CACNB4: variants seen among roughly 807,000 people sequenced by gnomAD.
The protein encoded by CACNB4 is voltage-dependent L-type calcium channel subunit beta-4.
A neutral mutation model predicts 71.2 loss-of-function variants in CACNB4; 32 were observed. The observed-to-expected ratio is 0.45, with a 90% confidence interval of 0.34 to 0.60. CACNB4 has a LOEUF of 0.60. Among genes scored for constraint, CACNB4 ranks in the 20% least tolerant of loss-of-function variants. CACNB4 has a pLI of 0.01. For missense variants in CACNB4, 464 were observed against 647.9 expected, an observed-to-expected ratio of 0.72 and a Z score of 3.08; for synonymous variants, 231 against 236.9, an observed-to-expected ratio of 0.97 and a Z score of 0.23.
chr2:151,899,954 G>A (rs2099852973), intron 2 of CACNB4, among the ~76,000 whole-genome samples: 1 of 152,098 alleles, frequency 6.6e-6, no homozygotes, highest in African/African-American at 2.4e-5. Context: ...TACCATAAAA[G>A]TACCATAACA....
intron 2 of CACNB4, among the ~76,000 whole-genome samples, chr2:152,007,170 C>CT (rs921722318): frequency 1.4e-4 from 21 of 151,972 alleles, no homozygotes; most frequent in South Asian, 1.0e-3. Context: ...GTGTATGTGC[C>CT]TTTTTTTTAA....
intron 2 of CACNB4, among the ~76,000 whole-genome samples, chr2:151,908,646 T>C (rs932428075): frequency 6.7e-6 from 1 of 150,032 alleles, no homozygotes; most frequent in East Asian, 1.9e-4. Flanking sequence ...GGGAAGACTT[T>C]AGATAACATA....
intron 2 of CACNB4, among the ~76,000 whole-genome samples, chr2:151,963,261 G>T (rs568670068): frequency 1.4e-5 from 2 of 145,680 alleles, no homozygotes; most frequent in Admixed American, 1.4e-4. Flanking sequence ...GTAGTGAGCC[G>T]AGATTGCGCC....
At chr2:152,002,360 A>G (rs1682475589) in intron 2 of CACNB4, among the ~76,000 whole-genome samples, 1 of 152,182 alleles carries the variant, frequency 6.6e-6, no homozygotes, top group South Asian at 2.1e-4. Flanking sequence ...TTTTTTTAAT[A>G]CCAAATCATG....
intron 2 of CACNB4, among the ~76,000 whole-genome samples, chr2:152,044,838 A>G (rs1685068593): frequency 6.6e-6 from 1 of 152,226 alleles, no homozygotes; most frequent in Non-Finnish European, 1.5e-5. Context: ...ATAAGAGACC[A>G]TGAAAAACCC....
At chr2:152,078,765 G>C (rs1366602350) in intron 2 of CACNB4, among the ~76,000 whole-genome samples, 1 of 152,234 alleles carries the variant, frequency 6.6e-6, no homozygotes, top group Non-Finnish European at 1.5e-5. Context: ...CCACCCAACA[G>C]CCTACGTCCT....
At position 152,098,651 on chromosome 2, in the gene CACNB4, A is replaced by C. The variant is rs369342902; in HGVS notation, c.64-238T>G. 8.7e-4 allele frequency: 1,371 copies of C among 1,572,784 alleles called. 2 individuals carry two copies. The highest frequency in any genetic ancestry group is 1.1e-3 in the Non-Finnish European group (1,263 of 1,159,246). ...CCCGCAAGCACCCACCACATCCATT[A>C]ACAAAGACTCTCAGGGTGCGGGGTC... On this transcript the variant is annotated intron_variant, in intron 1 of 13. Transcript: ENST00000539935. The surrounding 1 kb of genome is among the most constrained non-coding windows in gnomAD (Gnocchi z 5.3).
At chr2:151,890,720 G>A (rs180694755) in intron 2 of CACNB4, among the ~76,000 whole-genome samples, 21 of 152,192 alleles carry the variant, frequency 1.4e-4, no homozygotes, top group African/African-American at 4.8e-4. Context: ...AATGATAGAC[G>A]TATTTTTTAA....
At position 151,836,310 on chromosome 2, in the gene CACNB4, T is replaced by C. The variant is rs977732362; in HGVS notation, c.*2809A>G. 2 of 151,924 alleles carry C rather than the reference T, an allele frequency of 1.3e-5. No individual in the cohort carries two copies. The highest frequency in any genetic ancestry group is 4.8e-5 in the African/African-American group (2 of 41,438). The allele number at this position is 151,924 out of a possible 1,614,324, so 9.4% of individuals were successfully genotyped here. On this transcript the variant is annotated 3_prime_UTR_variant, in exon 14 of 14. Coordinates refer to ENST00000539935, the MANE Select transcript of CACNB4 (RefSeq NM_000726.5). ...TTCTCTTGCTTATAATCATTTGCTA[T>C]CTTTAAATGAAATTAATTAAAAACA...
intron 2 of CACNB4, among the ~76,000 whole-genome samples, chr2:151,985,061 A>AT (rs1404219444): frequency 1.3e-5 from 2 of 152,102 alleles, no homozygotes; most frequent in African/African-American, 2.4e-5. Context: ...CCATGAGTGT[A>AT]TTTTTTTGCT....
intron 2 of CACNB4, among the ~76,000 whole-genome samples, chr2:152,064,991 A>G (rs1466847331): frequency 6.6e-6 from 1 of 152,232 alleles, no homozygotes; most frequent in Non-Finnish European, 1.5e-5. Context: ...CTTCAAGACC[A>G]GCAGAAGGAA....
intron 2 of CACNB4, among the ~76,000 whole-genome samples, chr2:151,982,632 C>CAAA (rs1227164462): frequency 3.1e-5 from 2 of 63,996 alleles, no homozygotes; most frequent in African/African-American, 4.7e-5. Context: ...GACTCCGTCT[C>CAAA]AAAAAAAAAA....
At chr2:152,085,602 GGC>G (rs1560190017) in intron 2 of CACNB4, among the ~76,000 whole-genome samples, 1 of 151,910 alleles carries the variant, frequency 6.6e-6, no homozygotes, top group African/African-American at 2.4e-5. Flanking sequence ...CAGCTCTTGC[GGC>G]TTCCTTTCAG....
rs187328258 is a variant in CACNB4 at position 151,838,546 on chromosome 2, G to A, written c.*573C>T. The A allele has an allele frequency of 3.3e-5, 5 of 152,402 alleles. No homozygotes were observed. The highest frequency in any genetic ancestry group is 3.3e-4 in the Admixed American group (5 of 15,274). The allele number at this position is 152,402 out of a possible 1,614,324, so 9.4% of individuals were successfully genotyped here. ...TTGGTAAGTCTGAAAAGTCATTCTG[G>A]CAACATTAACATATATTAAAATGTT... is the stretch of plus-strand genomic sequence containing the variant. On this transcript the variant is annotated 3_prime_UTR_variant, in exon 14 of 14. Transcript: ENST00000539935.
intron 2 of CACNB4, among the ~76,000 whole-genome samples, chr2:152,055,552 G>C (rs1350014562): frequency 6.6e-6 from 1 of 152,096 alleles, no homozygotes; most frequent in Non-Finnish European, 1.5e-5. Context: ...AGACCACACA[G>C]CCCACAGGCA....
chr2:151,858,058 T>C (rs984650164), intron 10 of CACNB4: 1 of 152,248 alleles, frequency 6.6e-6, no homozygotes, highest in Non-Finnish European at 1.5e-5. Context: ...TATTTATCTA[T>C]ATAGCTCTTT....
chr2:151,843,493 T>G (rs992632642), intron 12 of CACNB4, among the ~76,000 whole-genome samples: 1 of 151,998 alleles, frequency 6.6e-6, no homozygotes, highest in African/African-American at 2.4e-5. Flanking sequence ...TTTTTTAACT[T>G]TTTGTAGAGA....
chr2:152,013,126 T>G (rs562401362), intron 2 of CACNB4, among the ~76,000 whole-genome samples: 24 of 152,224 alleles, frequency 1.6e-4, no homozygotes, highest in Non-Finnish European at 3.2e-4. Context: ...CTATACCACA[T>G]AGCCTAAGTG....
intron 2 of CACNB4, among the ~76,000 whole-genome samples, chr2:151,892,948 G>A (rs1187900999): frequency 6.6e-6 from 1 of 152,194 alleles, no homozygotes; most frequent in Non-Finnish European, 1.5e-5. Context: ...AGAATGCTAC[G>A]CAAGTTGACT....
Sources: gnomAD v4.1 joint callset for allele counts (sites outside exome capture counted in the v4.1 genomes callset) on GRCh38, gnomAD v4.1.1 for gene constraint, Gnocchi (gnomAD v3.1) non-coding constraint, MANE v1.5 for transcripts, NCBI Gene and HGNC (gene_info 2026-07-23, HGNC 2026-07-21) for gene names.